OCRL: variants seen among roughly 807,000 people sequenced by gnomAD.
OCRL encodes the protein inositol polyphosphate 5-phosphatase OCRL.
Under a neutral mutation model 78.9 loss-of-function variants are expected in OCRL, and 8 were observed. That is an observed-to-expected ratio of 0.10 (90% CI 0.06 to 0.18). OCRL has a LOEUF of 0.18. OCRL is among the 10% of genes least tolerant of loss of function. The probability of loss-of-function intolerance (pLI) is 1.00; values close to 1 mark genes in which losing one functional copy is unlikely to be tolerated. For synonymous variants in OCRL, 240 were observed against 235.4 expected (o/e 1.02, Z -0.18); for missense variants, 454 against 696.7 (o/e 0.65, Z 3.92).
chrX:129,555,003 A>ATAAAT (rs1324561497), intron 4 of OCRL, among the ~76,000 whole-genome samples: 2 of 106,261 alleles, frequency 1.9e-5, no homozygotes, highest in Non-Finnish European at 3.9e-5. Context: ...AAATAAATAA[A>ATAAAT]AATAAGAGGG....
At chrX:129,569,190 G>T in intron 14 of OCRL, 74 bp from the exon 15 acceptor site, 1 of 1,114,101 alleles carries the variant, frequency 9.0e-7, no homozygotes. Flanking sequence ...GCCTAACCCT[G>T]ATCTAAACCA....
chrX:129,576,624 T>C (rs1936372369), intron 18 of OCRL, 72 bp downstream of exon 18: 2 of 808,608 alleles, frequency 2.5e-6, no homozygotes, highest in Non-Finnish European at 3.7e-6. Context: ...GTCCTCATTA[T>C]CTTTGTGCTT....
chrX:129,546,000 C>T (rs1219346683), intron 3 of OCRL, among the ~76,000 whole-genome samples: 1 of 111,972 alleles, frequency 8.9e-6, no homozygotes, highest in Non-Finnish European at 1.9e-5. Context: ...AGGTGTGAGC[C>T]AGCATGCCTG....
intron 12 of OCRL, 68 bp from the exon 13 acceptor site, chrX:129,565,704 C>A: frequency 1.2e-6 from 1 of 835,957 alleles, no homozygotes; most frequent in Non-Finnish European, 1.8e-6. Context: ...CATTTTTCTT[C>A]TCTCCATCCT....
At chrX:129,554,735 C>T (rs1485479176) in intron 4 of OCRL, among the ~76,000 whole-genome samples, 2 of 110,279 alleles carry the variant, frequency 1.8e-5, no homozygotes, top group African/African-American at 6.6e-5. Flanking sequence ...GGGCGGATCA[C>T]GAGGCCAGTA....
intron 22 of OCRL, 200 bp from the exon 23 acceptor site, chrX:129,589,645 C>A: frequency 4.5e-6 from 2 of 441,417 alleles, no homozygotes; most frequent in Non-Finnish European, 8.0e-6. Context: ...TGGACAGGGA[C>A]CAAACAGCAC....
At position 129,562,742 on chromosome X, in the gene OCRL, G is replaced by T. The variant is rs1297469970; in HGVS notation, c.1200G>T (p.Val400=). 1 of 1,211,528 alleles carries T rather than the reference G, an allele frequency of 8.3e-7. No individual in the cohort carries two copies. Among genetic ancestry groups the T allele is most frequent in the Non-Finnish European group, 1.1e-6 (1 of 895,350 alleles). Residue 400 remains valine, a synonymous_variant, in exon 12 of 24, where the codon GTG becomes GTT. Transcript: ENST00000371113. ...ACATTTGTGCGAGAATGAGTTTTGT[G>T]GTCCCAAATCAGACCCTCCCGCAGT... ...YKDICARMSF[V]VPNQTLPQLN...
chrX:129,557,535 C>A, intron 5 of OCRL, 100 bp downstream of exon 5: 1 of 734,085 alleles, frequency 1.4e-6, no homozygotes, highest in Non-Finnish European at 2.1e-6. Flanking sequence ...AATACCTCAC[C>A]CTTTAAGCCC....
In OCRL at chrX:129,560,576, A is replaced by C; in HGVS notation, c.749A>C (p.Asn250Thr). 1 of 1,201,746 alleles carries C rather than the reference A, an allele frequency of 8.3e-7. No homozygotes were observed. The highest frequency in any genetic ancestry group is 1.7e-5 in the African/African-American group (1 of 57,683). The change falls in exon 9 of 24, where the codon AAT (asparagine) becomes ACT (threonine). Residue 250 changes from asparagine (N) to threonine (T), a missense_variant. By Grantham distance (65) the Asn-to-Thr change is moderately conservative. Transcript: ENST00000371113. ...FRFFVGTWNV[N>T]GQSPDSGLEP... is the part of the protein sequence containing the mutation. ...TTTTTTGTTGGAACTTGGAATGTGA[A>C]TGGCCAGTCTCCAGATAGCGGGTTA...
intron 20 of OCRL, among the ~76,000 whole-genome samples, chrX:129,587,664 C>G (rs1039742520): frequency 1.8e-5 from 2 of 110,290 alleles, no homozygotes; most frequent in Non-Finnish European, 3.8e-5. Flanking sequence ...GCGATTTCCT[C>G]CTTCCCCAGC....
intron 14 of OCRL, 54 bp from the exon 15 acceptor site, chrX:129,569,210 G>A: frequency 8.5e-7 from 1 of 1,170,476 alleles, no homozygotes; most frequent in Non-Finnish European, 1.2e-6. Context: ...AGTGTGGTAG[G>A]TATTATGTTC....
chrX:129,590,301 C>T lies in OCRL; in HGVS notation c.*31C>T. ...TTACTGTTCTCTGATATTCTAGAAG[C>T]AGACGATCTCGGGCTCCAAGTATTT... On this transcript the variant is annotated 3_prime_UTR_variant, in exon 24 of 24. Transcript: ENST00000371113. The T allele has an allele frequency of 8.3e-7, 1 of 1,206,155 alleles. No individual in the cohort carries two copies. The highest frequency in any genetic ancestry group is 1.1e-6 in the Non-Finnish European group (1 of 891,276).
intron 9 of OCRL, 41 bp downstream of exon 9, chrX:129,560,692 G>A (rs1936133973): frequency 3.2e-6 from 3 of 930,555 alleles, no homozygotes; most frequent in Non-Finnish European, 4.7e-6. Context: ...CTATATGTTT[G>A]GTGTTCATTT....
intron 5 of OCRL, 39 bp downstream of exon 5, chrX:129,557,474 A>T: frequency 9.0e-7 from 1 of 1,109,410 alleles, no homozygotes; most frequent in Non-Finnish European, 1.2e-6. Context: ...TTCTATTTCA[A>T]CGGGAGTGGA....
rs746734675 is a variant in OCRL at position 129,584,380 on chromosome X, A to G, written c.2139+13A>G. 2 of 1,199,345 alleles carry G rather than the reference A, an allele frequency of 1.7e-6. No homozygotes were observed. Among genetic ancestry groups the G allele is most frequent in the East Asian group, 5.9e-5 (2 of 33,779 alleles). On this transcript the variant is annotated intron_variant, in intron 19 of 23. Transcript: ENST00000371113. Reference sequence around the variant, plus strand: ...CTTCCTAGAAAAGGTAATGCAATCCATTGGTGGTTATGAGAGTTTCCCTGT... The same window carrying G: ...CTTCCTAGAAAAGGTAATGCAATCCGTTGGTGGTTATGAGAGTTTCCCTGT...
chrX:129,562,576 T>G, intron 11 of OCRL, 23 bp from the exon 12 acceptor site: 1 of 1,206,069 alleles, frequency 8.3e-7, no homozygotes, highest in Non-Finnish European at 1.1e-6. Context: ...GTGTACTAAT[T>G]GAATAATTAC....
rs775895873 is a variant in OCRL at position 129,557,407 on chromosome X, C to T, written c.321C>T (p.Phe107=). ...CTGATGAGGAACACTGTTTGAAGTT[C>T]CTCTCAGCTGTCCTTGCTGCTCAGA... ...EIPDEEHCLK[F]LSAVLAAQKA... The change falls in exon 5 of 24, where the codon TTC becomes TTT. Residue 107 remains phenylalanine (F), a synonymous_variant. Coordinates refer to ENST00000371113, the MANE Select transcript of OCRL (RefSeq NM_000276.4). 8.3e-7 allele frequency: 1 copy of T among 1,209,850 alleles called. No homozygotes were observed. The highest frequency in any genetic ancestry group is 3.0e-5 in the East Asian group (1 of 33,855).
chrX:129,581,717 A>G (rs965720198), intron 18 of OCRL, among the ~76,000 whole-genome samples: 1 of 91,664 alleles, frequency 1.1e-5, no homozygotes, highest in African/African-American at 4.7e-5. Context: ...ATATATATAT[A>G]CACACACCTG....
intron 4 of OCRL, among the ~76,000 whole-genome samples, chrX:129,555,632 A>G (rs1936035150): frequency 8.9e-6 from 1 of 112,214 alleles, no homozygotes; most frequent in African/African-American, 3.2e-5. Context: ...GGACAAGAAG[A>G]GTAGAAGGTT....
Sources: allele counts gnomAD v4.1 joint callset (sites outside exome capture counted in the v4.1 genomes callset), GRCh38; gene constraint gnomAD v4.1.1; transcripts MANE v1.5; gene names NCBI Gene and HGNC (gene_info 2026-07-23, HGNC 2026-07-21).